DEAF1: variants seen among roughly 807,000 people sequenced by gnomAD.
The protein encoded by DEAF1 is deformed epidermal autoregulatory factor 1 homolog.
A neutral mutation model predicts 58.9 loss-of-function variants in DEAF1; 53 were observed. The observed-to-expected ratio is 0.90, with a 90% confidence interval of 0.72 to 1.13. The LOEUF (loss-of-function observed/expected upper bound fraction) is 1.13, where lower values mean the gene tolerates loss of function less well. DEAF1 is among the 50% of genes most tolerant of loss of function. The pLI is 0.00. For missense variants in DEAF1, 685 were observed against 791.4 expected (o/e 0.87, Z 1.61); for synonymous variants, 385 against 340.4 (o/e 1.13, Z -1.44).
intron 11 of DEAF1, among the ~76,000 whole-genome samples, chr11:647,145 G>A (rs7116535): frequency 0.2 from 29,761 of 151,454 alleles, 4,045 homozygotes; most frequent in African/African-American, 0.39. Context: ...GTGACAAAGC[G>A]AGACCCTGTC....
intron 9 of DEAF1, 178 bp downstream of exon 9, chr11:678,516 C>T: frequency 1.1e-6 from 1 of 902,708 alleles, no homozygotes; most frequent in South Asian, 1.4e-5. Flanking sequence ...GGCTGTGTGT[C>T]AGTAAAACTT....
Position 694,731 on chromosome 11 carries a change from G to A in DEAF1, c.289+28C>T, listed in dbSNP as rs762751414. ...CGGGGTAGGCGCGCGGGAACCGGAC[G>A]AGGCGAGAGGCCGGCGGGCGCACTT... On this transcript the variant is annotated intron_variant, in intron 1 of 11. Coordinates refer to ENST00000382409, the MANE Select transcript of DEAF1 (RefSeq NM_021008.4). 1,165 of 1,290,370 alleles carry A rather than the reference G, an allele frequency of 9.0e-4. 20 individuals carry two copies. The East Asian group carries it at 0.024, about 27-fold the overall frequency. The allele number at this position is 1,290,370 out of a possible 1,614,324, so 79.9% of individuals were successfully genotyped here.
In DEAF1 at chr11:678,759, T is replaced by TA. The variant is rs1420189739; in HGVS notation, c.1189dup (p.Tyr397LeufsTer79). On this transcript the variant is annotated frameshift_variant, in exon 9 of 12. Coordinates refer to ENST00000382409, the MANE Select transcript of DEAF1 (RefSeq NM_021008.4). LOFTEE classifies it high-confidence loss of function. ...CGGTGCGATCTGGCAGCTGTCCTGA[T>TA]AGCCGGGGTAGTGAGGCTCAGGGTG... 1 of 1,614,058 alleles carries TA rather than the reference T, an allele frequency of 6.2e-7. No individual in the cohort carries two copies. The highest frequency in any genetic ancestry group is 1.3e-5 in the African/African-American group (1 of 74,938).
At chr11:700,352 C>T (rs1216420961) in intron 1 of DEAF1, 1 of 961,344 alleles carries the variant, frequency 1.0e-6, no homozygotes, top group Non-Finnish European at 1.6e-6. Flanking sequence ...CATGGGGAAA[C>T]CCCATCTCTA....
chr11:685,620 G>A (rs909374465), intron 5 of DEAF1, among the ~76,000 whole-genome samples: 11 of 152,226 alleles, frequency 7.2e-5, no homozygotes, highest in Admixed American at 5.2e-4. Flanking sequence ...GCTTGAACCC[G>A]GGAGGCAGAG....
intron 1 of DEAF1, among the ~76,000 whole-genome samples, chr11:701,375 G>GT (rs71464108): frequency 6.7e-4 from 83 of 124,310 alleles, no homozygotes; most frequent in South Asian, 2.7e-3. Flanking sequence ...GTTTTGTTTT[G>GT]TTTTTTTTTG....
intron 6 of DEAF1, 23 bp from the exon 7 acceptor site, chr11:681,112 C>T (rs754518501): frequency 1.2e-6 from 2 of 1,613,366 alleles, no homozygotes; most frequent in South Asian, 2.2e-5. Context: ...GGAGAGAGGC[C>T]ACCACCTTCA....
intron 10 of DEAF1, 108 bp from the exon 11 acceptor site, chr11:654,159 G>A: frequency 1.5e-6 from 1 of 673,126 alleles, no homozygotes; most frequent in South Asian, 1.6e-5. Flanking sequence ...CCCCCCATTG[G>A]ACCCCCTTTT....
At chr11:661,217 G>A (rs1388713406) in intron 10 of DEAF1, among the ~76,000 whole-genome samples, 1 of 152,162 alleles carries the variant, frequency 6.6e-6, no homozygotes, top group Admixed American at 6.6e-5. Flanking sequence ...AGGGCAGTGA[G>A]TCCAAGACCC....
chr11:656,627 G>A (rs1859067688), intron 10 of DEAF1, among the ~76,000 whole-genome samples: 1 of 152,246 alleles, frequency 6.6e-6, no homozygotes, highest in Non-Finnish European at 1.5e-5. Flanking sequence ...AGGCTGGCGG[G>A]AGCGTGGTCA....
intron 4 of DEAF1, 69 bp downstream of exon 4, chr11:687,842 G>A: frequency 6.3e-7 from 1 of 1,587,580 alleles, no homozygotes; most frequent in Non-Finnish European, 8.6e-7. Context: ...ATCTTTCTCA[G>A]CCCCCAATTT....
At chr11:686,501 C>T (rs1318946486) in intron 5 of DEAF1, among the ~76,000 whole-genome samples, 2 of 152,176 alleles carry the variant, frequency 1.3e-5, no homozygotes, top group Non-Finnish European at 2.9e-5. Context: ...AGTTAGGTGA[C>T]TTTGAAAGGG....
chr11:700,846 G>T (rs1458547963), intron 1 of DEAF1: 3 of 812,104 alleles, frequency 3.7e-6, no homozygotes, highest in Non-Finnish European at 6.5e-6. Context: ...TGCTTTGCAG[G>T]CTCACCTTAC....
In DEAF1 at chr11:694,959, G is replaced by C; in HGVS notation, c.89C>G (p.Ala30Gly). ...CTCCGCCTCGCCTCCTGCCGCGGCCGCGGCCGCCGCCGCCACAGCGGCCGC... is the reference window on the plus strand; with the variant it reads ...CTCCGCCTCGCCTCCTGCCGCGGCCCCGGCCGCCGCCGCCACAGCGGCCGC... ...AAAAAVAAAA[A>G]AAAGGEAEEP... Residue 30 changes from alanine (A) to glycine (G), a missense_variant, in exon 1 of 12, where the codon GCG becomes GGG. By Grantham distance (60) the Ala-to-Gly change is moderately conservative. Coordinates refer to ENST00000382409, the MANE Select transcript of DEAF1 (RefSeq NM_021008.4). The C allele has an allele frequency of 8.4e-7, 1 of 1,183,742 alleles. No homozygotes were observed. Among genetic ancestry groups the C allele is most frequent in the Non-Finnish European group, 1.0e-6 (1 of 958,298 alleles). 73.3% of individuals were successfully genotyped at this position (1,183,742 alleles called of 1,614,324 possible).
At chr11:673,610 T>G (rs2133362092) in intron 10 of DEAF1, among the ~76,000 whole-genome samples, 1 of 152,330 alleles carries the variant, frequency 6.6e-6, no homozygotes, top group South Asian at 2.1e-4. Flanking sequence ...AATATGAATT[T>G]GACTTTTGTT....
chr11:684,777 A>G (rs1040505009), intron 6 of DEAF1, 121 bp downstream of exon 6: 19 of 833,428 alleles, frequency 2.3e-5, no homozygotes, highest in Non-Finnish European at 3.2e-5. Flanking sequence ...AAGTGAGGAC[A>G]GTGTCTCTCT....
chr11:697,116 T>C (rs1268814904), upstream of DEAF1, among the ~76,000 whole-genome samples: 1 of 128,326 alleles, frequency 7.8e-6, no homozygotes, highest in East Asian at 2.5e-4. Context: ...AAAAAAAAAT[T>C]ACCTCAGGGA....
At chr11:661,200 C>T (rs528349513) in intron 10 of DEAF1, among the ~76,000 whole-genome samples, 32 of 152,258 alleles carry the variant, frequency 2.1e-4, no homozygotes, top group African/African-American at 7.5e-4. Context: ...AACAACAAGC[C>T]GGGGCCAGGG....
At chr11:681,118 C>G (rs1474351816) in intron 6 of DEAF1, 29 bp from the exon 7 acceptor site, 2 of 1,613,388 alleles carry the variant, frequency 1.2e-6, no homozygotes, top group South Asian at 1.1e-5. Flanking sequence ...AGGCCACCAC[C>G]TTCATGTGTG....
Sources: allele counts gnomAD v4.1 joint callset (sites outside exome capture counted in the v4.1 genomes callset), GRCh38; gene constraint gnomAD v4.1.1; transcripts MANE v1.5; gene names NCBI Gene and HGNC (gene_info 2026-07-23, HGNC 2026-07-21).